The following ERBB4 variants were observed in gnomAD, a reference collection of about 807,000 sequenced individuals.
ERBB4 encodes erb-b2 receptor tyrosine kinase 4.
In ERBB4, 42 loss-of-function variants were observed where a neutral mutation model predicts 158.0. The ratio of observed to expected loss-of-function variants is 0.27; its 90% CI spans 0.21 to 0.34. The LOEUF (loss-of-function observed/expected upper bound fraction) is 0.34, where lower values mean the gene tolerates loss of function less well. Ranked by LOEUF, ERBB4 falls within the 10% of genes least tolerant of loss-of-function variation. The probability of loss-of-function intolerance (pLI) is 1.00; values close to 1 mark genes in which losing one functional copy is unlikely to be tolerated. For missense variants in ERBB4, 1,333 were observed against 1,624.1 expected (o/e 0.82, Z 3.08); for synonymous variants, 583 against 558.7 (o/e 1.04, Z -0.61).
chr2:211,806,593 T>C (rs1438415510), intron 3 of ERBB4, among the ~76,000 whole-genome samples: 2 of 152,028 alleles, frequency 1.3e-5, no homozygotes, highest in African/African-American at 4.8e-5. Context: ...AACAGAAATG[T>C]ACAGAAAATA....
chr2:211,875,422 C>T lies in ERBB4; in HGVS notation c.421+72008G>A, dbSNP rs1306662700. Among the ~76,000 whole-genome samples, 3 of 152,056 alleles carry T rather than the reference C, an allele frequency of 2.0e-5. No individual in the cohort carries two copies. The East Asian group carries it at 5.8e-4, about 29-fold the overall frequency. Reference sequence around the variant, plus strand: ...CCACTTAGATGCATTCCTTTATTTGCCCTTTTAGAATAATAATGAGCAAAT... The same window carrying T: ...CCACTTAGATGCATTCCTTTATTTGTCCTTTTAGAATAATAATGAGCAAAT... On this transcript the variant is annotated intron_variant, in intron 3 of 27. Transcript: ENST00000342788.
chr2:212,015,047 T>A (rs374981609), intron 2 of ERBB4, among the ~76,000 whole-genome samples: 7,460 of 8,964 alleles, frequency 0.83, 3,188 homozygotes, highest in Middle Eastern at 1. Flanking sequence ...AAAAAATATA[T>A]ATATATATAT....
chr2:211,632,751 A>C (rs954820521), intron 16 of ERBB4, among the ~76,000 whole-genome samples: 1 of 152,070 alleles, frequency 6.6e-6, no homozygotes, highest in East Asian at 1.9e-4. Context: ...AATGGTAATC[A>C]AAATAAGACA....
chr2:212,380,923 T>C (rs1208558672), intron 1 of ERBB4, among the ~76,000 whole-genome samples: 1 of 151,226 alleles, frequency 6.6e-6, no homozygotes, highest in Middle Eastern at 3.2e-3. Flanking sequence ...AAATCATATA[T>C]TGGGTAGTCG....
At chr2:211,902,024 T>G (rs919466247) in intron 3 of ERBB4, among the ~76,000 whole-genome samples, 1 of 148,558 alleles carries the variant, frequency 6.7e-6, no homozygotes, top group African/African-American at 2.5e-5. Context: ...CACAAAATAG[T>G]TTTTTTTTTA....
chr2:211,501,539 GTT>G (rs147978547), intron 20 of ERBB4, among the ~76,000 whole-genome samples: 1 of 150,840 alleles, frequency 6.6e-6, no homozygotes, highest in South Asian at 2.1e-4. Context: ...TTGCTTGTGT[GTT>G]TTTTTTAGAA....
In ERBB4 at chr2:211,978,388, G is replaced by GTCTT. The variant is rs1230858327; in HGVS notation, c.235-30773_235-30772insAAGA. Among the ~76,000 whole-genome samples, 16 of 112,482 alleles carry GTCTT rather than the reference G, an allele frequency of 1.4e-4. No homozygotes were observed. The East Asian group carries it at 1.5e-3, about 10-fold the overall frequency. The allele number at this position is 112,482 out of a possible 152,430, so 73.8% of individuals were successfully genotyped here. A position where few individuals can be genotyped will look rare whatever the true frequency, so the allele number is the denominator to read the frequency against. ...AGTCTGTCTGTCTGTCTGTCTGTCTGTCTGTCTGTCTATCTATCTATCTAT... is the reference window on the plus strand; with the variant it reads ...AGTCTGTCTGTCTGTCTGTCTGTCTGTCTTTCTGTCTGTCTATCTATCTATCTAT... On this transcript the variant is annotated intron_variant, in intron 2 of 27. Transcript: ENST00000342788.
intron 19 of ERBB4, among the ~76,000 whole-genome samples, chr2:211,569,156 C>T (rs1458315000): frequency 6.6e-6 from 1 of 152,200 alleles, no homozygotes; most frequent in East Asian, 1.9e-4. Context: ...CATCTCTATT[C>T]TACATCATTC....
intron 3 of ERBB4, among the ~76,000 whole-genome samples, chr2:211,895,293 G>A (rs547128674): frequency 6.6e-5 from 10 of 152,150 alleles, no homozygotes; most frequent in East Asian, 1.9e-4. Flanking sequence ...GTCTCTCTCC[G>A]TCACCCAGGC....
At chr2:211,841,063 T>C (rs543859256) in intron 3 of ERBB4, among the ~76,000 whole-genome samples, 119 of 152,208 alleles carry the variant, frequency 7.8e-4, no homozygotes, top group African/African-American at 2.7e-3. Context: ...GTGAGCCAAA[T>C]TTTACACTAA....
chr2:211,505,801 A>G (rs62178823), intron 20 of ERBB4, among the ~76,000 whole-genome samples: 14,565 of 152,028 alleles, frequency 0.096, 832 homozygotes, highest in Middle Eastern at 0.16. Flanking sequence ...TCTACTAAAA[A>G]TACAAAAAAT....
At position 212,505,750 on chromosome 2, in the gene ERBB4, A is replaced by G. The variant is rs1024338014; in HGVS notation, c.82+32699T>C. Among the ~76,000 whole-genome samples, 3 of 148,840 alleles carry G rather than the reference A, an allele frequency of 2.0e-5. 1 individual carries two copies. Among genetic ancestry groups the G allele is most frequent in the Admixed American group, 1.3e-4 (2 of 14,970 alleles). ...ACAATTAGGCAAGAAAAATTCATAC[A>G]AGCATGCCAATGCTTATCTTGCTTG... is the stretch of plus-strand genomic sequence containing the variant. On this transcript the variant is annotated intron_variant, in intron 1 of 27. Transcript: ENST00000342788.
At chr2:211,547,718 A>G (rs1393434043) in intron 20 of ERBB4, among the ~76,000 whole-genome samples, 1 of 152,098 alleles carries the variant, frequency 6.6e-6, no homozygotes, top group East Asian at 1.9e-4. Context: ...CACATGAAAT[A>G]AAATTTAATC....
chr2:212,339,050 G>A (rs569704708), intron 1 of ERBB4, among the ~76,000 whole-genome samples: 2 of 152,208 alleles, frequency 1.3e-5, no homozygotes, highest in South Asian at 2.1e-4. Flanking sequence ...TGCAGGATGT[G>A]CAGGTTTGTT....
chr2:211,856,041 T>G (rs1461958475), intron 3 of ERBB4, among the ~76,000 whole-genome samples: 4 of 152,182 alleles, frequency 2.6e-5, no homozygotes. Context: ...ACGGGTACAC[T>G]AAAAGCTAAG....
intron 19 of ERBB4, among the ~76,000 whole-genome samples, chr2:211,615,513 G>T (rs1453583705): frequency 6.6e-6 from 1 of 152,030 alleles, no homozygotes; most frequent in Admixed American, 6.6e-5. Context: ...AGAATGTACT[G>T]GTCATTCACT....
In ERBB4 at chr2:212,538,639, G is replaced by C. The variant is rs1243447475; in HGVS notation, c.-109C>G. The C allele has an allele frequency of 3.4e-6, 4 of 1,173,748 alleles. 1 individual carries two copies. The highest frequency in any genetic ancestry group is 2.5e-5 in the South Asian group (2 of 79,390). 72.7% of individuals were successfully genotyped at this position (1,173,748 alleles called of 1,614,324 possible). A position where few individuals can be genotyped will look rare whatever the true frequency, so the allele number is the denominator to read the frequency against. ...AGCCGGGCGCGCGTGGGGGTGCGAG[G>C]GGGGCGGGCGCGGCGCGCGCGGTGT... On this transcript the variant is annotated 5_prime_UTR_variant, in exon 1 of 28. Transcript: ENST00000342788.
chr2:212,446,577 CCATATATATATATGTATA>C (rs1246919207), intron 1 of ERBB4, among the ~76,000 whole-genome samples: 4 of 36,036 alleles, frequency 1.1e-4, no homozygotes, highest in East Asian at 5.7e-4. Flanking sequence ...TAATAAACTC[CCATATATATATATGTATA>C]TATATATATA....
At position 212,177,051 on chromosome 2, in the gene ERBB4, A is replaced by C. The variant is rs560394490; in HGVS notation, c.83-52148T>G. On this transcript the variant is annotated intron_variant, in intron 1 of 27. Coordinates refer to ENST00000342788, the MANE Select transcript of ERBB4 (RefSeq NM_005235.3). ...TGAAGCAACATCTTCAAAAAAAATTAAATGAAAATACCCATAAGTATTGTG... is the reference window on the plus strand; with the variant it reads ...TGAAGCAACATCTTCAAAAAAAATTCAATGAAAATACCCATAAGTATTGTG... 1.3e-4 allele frequency among the ~76,000 whole-genome samples: 19 copies of C among 151,928 alleles called. No homozygotes were observed. The South Asian group carries it at 3.7e-3, about 30-fold the overall frequency.
Sources: allele counts gnomAD v4.1 joint callset (sites outside exome capture counted in the v4.1 genomes callset), GRCh38; gene constraint gnomAD v4.1.1; transcripts MANE v1.5; gene names NCBI Gene and HGNC (gene_info 2026-07-23, HGNC 2026-07-21).